CPLX4: variants seen among roughly 807,000 people sequenced by gnomAD.
The protein encoded by CPLX4 is complexin 4.
Under a neutral mutation model 16.1 loss-of-function variants are expected in CPLX4, and 17 were observed. The ratio of observed to expected loss-of-function variants is 1.06; its 90% CI spans 0.72 to 1.59. CPLX4 has a LOEUF of 1.59. Among genes scored for constraint, CPLX4 ranks in the 40% most tolerant of loss-of-function variants. The pLI is 0.00. For synonymous variants in CPLX4, 55 were observed against 57.8 expected (o/e 0.95, Z 0.22); for missense variants, 193 against 192.9 (o/e 1.00, Z 0.00).
chr18:59,312,436 G>GTA (rs1309890086), intron 2 of CPLX4, among the ~76,000 whole-genome samples: 2 of 136,222 alleles, frequency 1.5e-5, no homozygotes, highest in African/African-American at 2.6e-5. Flanking sequence ...ATATGTGTGT[G>GTA]TGTATATATA....
At chr18:59,312,862 C>T in intron 1 of CPLX4, 90 bp from the exon 2 acceptor site, 1 of 661,244 alleles carries the variant, frequency 1.5e-6, no homozygotes, top group Admixed American at 2.5e-5. Context: ...AGGGTTACAC[C>T]TTCTGAGATG....
intron 2 of CPLX4, among the ~76,000 whole-genome samples, chr18:59,305,104 T>C (rs547416461): frequency 1.3e-5 from 2 of 152,100 alleles, no homozygotes; most frequent in East Asian, 3.9e-4. Context: ...ACTCAAGATA[T>C]ATGGGGACAT....
In CPLX4 at chr18:59,296,718, G is replaced by C. The variant is rs764166992; in HGVS notation, c.463C>G (p.Gln155Glu). ...ACCCCTCACATCACGGAACACTTCTGCTCCGCTGTCTGCTTGATTTCAGTG... is the reference window on the plus strand; with the variant it reads ...ACCCCTCACATCACGGAACACTTCTCCTCCGCTGTCTGCTTGATTTCAGTG... Reference protein sequence around the residue: ...TFTEIKQTAEQKCSVM With the variant: ...TFTEIKQTAEEKCSVM The change falls in exon 3 of 3, where the codon CAG becomes GAG. Residue 155 changes from glutamine to glutamate, a missense_variant. Transcript: ENST00000299721. 6.4e-7 allele frequency: 1 copy of C among 1,557,582 alleles called. No homozygotes were observed.
At chr18:59,311,468 GT>G (rs1325400191) in intron 2 of CPLX4, among the ~76,000 whole-genome samples, 42 of 152,192 alleles carry the variant, frequency 2.8e-4, no homozygotes, top group East Asian at 1.2e-3. Context: ...AGTGCTTGTA[GT>G]TTCTAAAATC....
chr18:59,317,936 G>C (rs1447285064), intron 1 of CPLX4, among the ~76,000 whole-genome samples: 2 of 151,966 alleles, frequency 1.3e-5, no homozygotes, highest in African/African-American at 4.8e-5. Context: ...TACGTGCTAA[G>C]AGGGTGAAGT....
At chr18:59,313,227 G>A (rs1197623919) in intron 1 of CPLX4, among the ~76,000 whole-genome samples, 1 of 152,124 alleles carries the variant, frequency 6.6e-6, no homozygotes, top group Non-Finnish European at 1.5e-5. Context: ...AACTAAAATA[G>A]GGCCACAGTG....
intron 2 of CPLX4, among the ~76,000 whole-genome samples, chr18:59,310,078 A>G (rs900816767): frequency 6.6e-6 from 1 of 152,058 alleles, no homozygotes; most frequent in East Asian, 1.9e-4. Flanking sequence ...GGTCTCTTTC[A>G]TGGTCTATGA....
At chr18:59,300,293 A>C (rs561133031) in intron 2 of CPLX4, among the ~76,000 whole-genome samples, 47 of 152,332 alleles carry the variant, frequency 3.1e-4, no homozygotes, top group African/African-American at 1.1e-3. Flanking sequence ...AGATCACGCC[A>C]CTGAACTCCA....
At chr18:59,303,865 G>A (rs2070557946) in intron 2 of CPLX4, among the ~76,000 whole-genome samples, 1 of 152,208 alleles carries the variant, frequency 6.6e-6, no homozygotes, top group Admixed American at 6.5e-5. Context: ...AGGGTGAGGA[G>A]GGGAAGGAAG....
chr18:59,310,939 C>G (rs1018017709), intron 2 of CPLX4, among the ~76,000 whole-genome samples: 3 of 142,170 alleles, frequency 2.1e-5, no homozygotes, highest in Admixed American at 7.2e-5. Flanking sequence ...GATGCACACC[C>G]AGCCAATCGT....
intron 2 of CPLX4, among the ~76,000 whole-genome samples, 191 bp downstream of exon 2, chr18:59,312,494 A>T (rs1385450497): frequency 6.8e-6 from 1 of 147,800 alleles, no homozygotes; most frequent in Non-Finnish European, 1.5e-5. Context: ...GTGTATATAT[A>T]TATCCTGAAT....
chr18:59,313,821 G>T (rs1438786518), intron 1 of CPLX4, among the ~76,000 whole-genome samples: 1 of 152,234 alleles, frequency 6.6e-6, no homozygotes, highest in Non-Finnish European at 1.5e-5. Flanking sequence ...TAGGGAAAGA[G>T]TGCTCGTGGC....
At chr18:59,299,424 A>G (rs1049025963) in intron 2 of CPLX4, among the ~76,000 whole-genome samples, 10 of 152,178 alleles carry the variant, frequency 6.6e-5, no homozygotes, top group African/African-American at 2.4e-4. Flanking sequence ...TTGAACCTGG[A>G]CAGGGTAACT....
chr18:59,318,244 C>T, intron 1 of CPLX4, 52 bp downstream of exon 1: 2 of 1,520,164 alleles, frequency 1.3e-6, no homozygotes, highest in Non-Finnish European at 1.8e-6. Flanking sequence ...GAAGGTATGG[C>T]CAGAATGAAT....
At chr18:59,298,596 A>T (rs1278172310) in intron 2 of CPLX4, among the ~76,000 whole-genome samples, 1 of 148,572 alleles carries the variant, frequency 6.7e-6, no homozygotes, top group African/African-American at 2.4e-5. Context: ...AGATTTCTGC[A>T]CCTGGTGACT....
intron 2 of CPLX4, among the ~76,000 whole-genome samples, chr18:59,306,226 G>T (rs1256456602): frequency 2.0e-5 from 3 of 152,220 alleles, no homozygotes; most frequent in Admixed American, 6.5e-5. Flanking sequence ...GATACAGGAT[G>T]TGGAATAATT....
chr18:59,310,683 A>T (rs376232380), intron 2 of CPLX4, among the ~76,000 whole-genome samples: 14 of 152,122 alleles, frequency 9.2e-5, no homozygotes, highest in Admixed American at 7.2e-4. Context: ...TAGGTCCTTT[A>T]TATTACATTA....
At chr18:59,298,772 G>A (rs759155453) in intron 2 of CPLX4, among the ~76,000 whole-genome samples, 4 of 152,146 alleles carry the variant, frequency 2.6e-5, no homozygotes, top group Admixed American at 6.5e-5. Context: ...TTGGAAGGAC[G>A]AGATGGCTGA....
At chr18:59,304,634 C>T (rs1486800807) in intron 2 of CPLX4, among the ~76,000 whole-genome samples, 1 of 152,118 alleles carries the variant, frequency 6.6e-6, no homozygotes, top group Non-Finnish European at 1.5e-5. Context: ...TGCAGTGGCA[C>T]AATCTCGGCT....
Sources: allele counts gnomAD v4.1 joint callset (sites outside exome capture counted in the v4.1 genomes callset), GRCh38; gene constraint gnomAD v4.1.1; transcripts MANE v1.5; gene names NCBI Gene and HGNC (gene_info 2026-07-23, HGNC 2026-07-21).